Variants in POLR1E observed in about 807,000 individuals in gnomAD.
POLR1E encodes the protein DNA-directed RNA polymerase I subunit RPA49.
Under a neutral mutation model 50.9 loss-of-function variants are expected in POLR1E, and 37 were observed. That is an observed-to-expected ratio of 0.73 (90% CI 0.56 to 0.96). The LOEUF is 0.96. Ranked by LOEUF, POLR1E falls within the 40% of genes least tolerant of loss-of-function variation. The pLI, the probability that POLR1E is intolerant of heterozygous loss-of-function variation, is 0.00. For missense variants in POLR1E, 426 were observed against 518.1 expected, an observed-to-expected ratio of 0.82 and a Z score of 1.73; for synonymous variants, 166 against 191.6, an observed-to-expected ratio of 0.87 and a Z score of 1.10.
At chr9:37,496,623 C>CTTTTTTTTTT (rs376455174) in intron 8 of POLR1E, among the ~76,000 whole-genome samples, 1 of 112,480 alleles carries the variant, frequency 8.9e-6, no homozygotes, top group Non-Finnish European at 1.9e-5. Context: ...ATTATTATTT[C>CTTTTTTTTTT]TTTTTTTTTT....
intron 9 of POLR1E, 63 bp downstream of exon 9, chr9:37,498,287 A>T: frequency 6.5e-7 from 1 of 1,528,560 alleles, no homozygotes; most frequent in Non-Finnish European, 9.0e-7. Context: ...TGTAATTCTT[A>T]GATGAGTTCT....
At chr9:37,496,993 C>T (rs10973371) in intron 8 of POLR1E, among the ~76,000 whole-genome samples, 32,757 of 152,034 alleles carry the variant, frequency 0.22, 3,694 homozygotes, top group East Asian at 0.26. Flanking sequence ...AAAAAATGCT[C>T]AGGAGGAGAG....
In POLR1E at chr9:37,493,706, A is replaced by G; in HGVS notation, c.547+3A>G. The G allele has an allele frequency of 6.6e-7, 1 of 1,524,886 alleles. No individual in the cohort carries two copies. Among genetic ancestry groups the G allele is most frequent in the Non-Finnish European group, 8.9e-7 (1 of 1,129,468 alleles). The allele number at this position is 1,524,886 out of a possible 1,614,324, so 94.5% of individuals were successfully genotyped here. On this transcript the variant is annotated splice_donor_region_variant and intron_variant, in intron 6 of 11. Coordinates refer to ENST00000377798, the MANE Select transcript of POLR1E (RefSeq NM_022490.4). ...CATTGATACGAAGGGTGTGACTGGT[A>G]AGAAGTTGGAACTTGGGCTAAGAGT... is the stretch of plus-strand genomic sequence containing the variant.
chr9:37,486,326 C>A, intron 1 of POLR1E: 1 of 1,348,550 alleles, frequency 7.4e-7, no homozygotes, highest in Non-Finnish European at 9.9e-7. Flanking sequence ...ACATCCCACT[C>A]ACCCGCTCCC....
At chr9:37,488,398 C>G (rs1222420108) in intron 3 of POLR1E, among the ~76,000 whole-genome samples, 3 of 152,026 alleles carry the variant, frequency 2.0e-5, no homozygotes, top group South Asian at 4.2e-4. Flanking sequence ...CCCCAGCCTC[C>G]CCCTCTGTAC....
chr9:37,491,613 G>A (rs1179824833), intron 4 of POLR1E, among the ~76,000 whole-genome samples: 1 of 151,848 alleles, frequency 6.6e-6, no homozygotes. Context: ...ATAGGTGTGC[G>A]CTACCACACT....
chr9:37,487,838 G>A lies in POLR1E; in HGVS notation c.181-25G>A, dbSNP rs200692494. ...ATACCTTTCAACATTGGTTGTAAAT[G>A]GAGTTTCCCCTCTCTGCATTTTAGG... is the stretch of plus-strand genomic sequence containing the variant. On this transcript the variant is annotated intron_variant, in intron 2 of 11. Transcript: ENST00000377798. The A allele has an allele frequency of 3.1e-6, 5 of 1,607,654 alleles. No individual in the cohort carries two copies. The East Asian group carries it at 8.9e-5, about 29-fold the overall frequency.
chr9:37,496,778 A>G (rs77055891), intron 8 of POLR1E, among the ~76,000 whole-genome samples: 9,642 of 152,088 alleles, frequency 0.063, 1,012 homozygotes, highest in African/African-American at 0.22. Context: ...CTCTGCCCTT[A>G]TCTTCCCTTC....
At chr9:37,494,239 T>C (rs2119007995) in intron 6 of POLR1E, among the ~76,000 whole-genome samples, 1 of 152,296 alleles carries the variant, frequency 6.6e-6, no homozygotes, top group Non-Finnish European at 1.5e-5. Flanking sequence ...AGATGAGGTC[T>C]TGCTATGTTG....
At chr9:37,488,400 C>T (rs56332740) in intron 3 of POLR1E, among the ~76,000 whole-genome samples, 32,620 of 151,718 alleles carry the variant, frequency 0.22, 3,660 homozygotes, top group Admixed American at 0.26. Context: ...CCAGCCTCCC[C>T]CTCTGTACAG....
chr9:37,495,759 T>C (rs753063988), intron 7 of POLR1E, 131 bp from the exon 8 acceptor site: 2 of 648,866 alleles, frequency 3.1e-6, no homozygotes, highest in Non-Finnish European at 5.7e-6. Flanking sequence ...TCTGCCCCTA[T>C]GTGATCTGCC....
intron 11 of POLR1E, among the ~76,000 whole-genome samples, chr9:37,502,614 A>T (rs1350795370): frequency 2.0e-5 from 3 of 151,974 alleles, no homozygotes; most frequent in Non-Finnish European, 1.5e-5. Flanking sequence ...CTCTGTCTGG[A>T]CTCTCTAGCA....
chr9:37,490,216 A>G (rs775079748), intron 4 of POLR1E, among the ~76,000 whole-genome samples: 8 of 152,232 alleles, frequency 5.3e-5, no homozygotes, highest in African/African-American at 1.9e-4. Context: ...TTTCTAAACA[A>G]TCGAGGAGTT....
At chr9:37,495,313 C>T (rs751494931) in intron 7 of POLR1E, 37 bp downstream of exon 7, 1 of 1,529,764 alleles carries the variant, frequency 6.5e-7, no homozygotes, top group South Asian at 1.1e-5. Context: ...CCTTATTTCA[C>T]AAGTTGAGAT....
chr9:37,486,631 T>C lies in POLR1E; in HGVS notation c.77-72T>C, dbSNP rs1197904148. On this transcript the variant is annotated intron_variant, in intron 1 of 11. Coordinates refer to ENST00000377798, the MANE Select transcript of POLR1E (RefSeq NM_022490.4). The stretch of plus-strand genomic sequence containing the variant: ...ACACTCCCTCCCAGTGACAGTCTAG[T>C]CCCACCGTACATTGTGTGGTACATT... The C allele has an allele frequency of 2.5e-6, 4 of 1,614,172 alleles. No individual in the cohort carries two copies. The East Asian group carries it at 8.9e-5, about 36-fold the overall frequency.
chr9:37,486,804 C>G lies in POLR1E; in HGVS notation c.178C>G (p.Leu60Val), dbSNP rs144033077. Residue 60 changes from leucine (L) to valine (V), a missense_variant and splice_region_variant, in exon 2 of 12, where the codon CTG (leucine) becomes GTG (valine). Coordinates refer to ENST00000377798, the MANE Select transcript of POLR1E (RefSeq NM_022490.4). ...CCCCAGGAAGAGGAATCAACGGATC[C>G]TGGTAAGTGAAGCAGTTGCCAGCTG... ...TNPRKRNQRILAAETDRLSYV... is the reference protein window; with the variant it reads ...TNPRKRNQRIVAAETDRLSYV... The G allele has an allele frequency of 1.1e-5, 17 of 1,607,880 alleles. No individual in the cohort carries two copies. The Admixed American group carries it at 2.8e-4, about 27-fold the overall frequency.
In POLR1E at chr9:37,486,778, A is replaced by C. The variant is rs771160803; in HGVS notation, c.152A>C (p.Asn51Thr). The C allele has an allele frequency of 6.2e-6, 10 of 1,613,202 alleles. No homozygotes were observed. The highest frequency in any genetic ancestry group is 6.8e-6 in the Non-Finnish European group (8 of 1,179,854). Residue 51 changes from asparagine (N) to threonine (T), a missense_variant, in exon 2 of 12, where the codon AAC (asparagine) becomes ACC (threonine). Transcript: ENST00000377798. ...FTLYENKDST[N>T]PRKRNQRILA... ...TTGTATGAGAACAAAGATTCCACCA[A>C]CCCCAGGAAGAGGAATCAACGGATC...
chr9:37,487,759 T>TA, intron 2 of POLR1E, 104 bp from the exon 3 acceptor site: 1 of 1,058,856 alleles, frequency 9.4e-7, no homozygotes, highest in Non-Finnish European at 1.4e-6. Context: ...TCTAATCCAT[T>TA]GTGAGTCTGG....
intron 11 of POLR1E, 149 bp from the exon 12 acceptor site, chr9:37,502,894 C>A: frequency 2.5e-6 from 2 of 793,848 alleles, no homozygotes; most frequent in Non-Finnish European, 3.9e-6. Context: ...CCTTGCCTGC[C>A]TCTCTGCCAG....
Sources: gnomAD v4.1 joint callset for allele counts (sites outside exome capture counted in the v4.1 genomes callset) on GRCh38, gnomAD v4.1.1 for gene constraint, MANE v1.5 for transcripts, NCBI Gene and HGNC (gene_info 2026-07-23, HGNC 2026-07-21) for gene names.